Variants in FBN2 observed in about 807,000 individuals in gnomAD.
FBN2 encodes the protein fibrillin 2, also known as fibrillin-2.
FBN2 carries 105 observed loss-of-function variants against 355.6 expected under a neutral mutation model. The ratio of observed to expected loss-of-function variants is 0.30; its 90% CI spans 0.25 to 0.35. The LOEUF (loss-of-function observed/expected upper bound fraction) is 0.35, where lower values mean the gene tolerates loss of function less well. Among genes scored for constraint, FBN2 ranks in the 10% least tolerant of loss-of-function variants. The pLI is 1.00. For missense variants in FBN2, 3,280 were observed against 3,758.7 expected (o/e 0.87, Z 3.33); for synonymous variants, 1,350 against 1,301.2 (o/e 1.04, Z -0.81).
At chr5:128,400,371 T>C (rs1168521407) in intron 8 of FBN2, among the ~76,000 whole-genome samples, 4 of 151,954 alleles carry the variant, frequency 2.6e-5, no homozygotes, top group African/African-American at 9.7e-5. Context: ...AAGATCAAAC[T>C]ATATAAAATA....
chr5:128,259,832 G>T lies in FBN2; in HGVS notation c.8365-3C>A. 3 of 1,613,280 alleles carry T rather than the reference G, an allele frequency of 1.9e-6. No individual in the cohort carries two copies. Among genetic ancestry groups the T allele is most frequent in the Non-Finnish European group, 2.5e-6 (3 of 1,179,766 alleles). ...CTCTCTAGGCTGATCTGTTCAACCT[G>T]GAGGAAGAACAGGAAATGATTTGGG... On this transcript the variant is annotated splice_polypyrimidine_tract_variant and splice_region_variant and intron_variant, in intron 64 of 64. Coordinates refer to ENST00000262464, the MANE Select transcript of FBN2 (RefSeq NM_001999.4).
chr5:128,412,586 C>A (rs1252245372), intron 7 of FBN2, among the ~76,000 whole-genome samples: 1 of 152,132 alleles, frequency 6.6e-6, no homozygotes, highest in Non-Finnish European at 1.5e-5. Context: ...ACAACAACAA[C>A]AACAACAAAA....
At chr5:128,335,423 T>G (rs757484768) in intron 29 of FBN2, 32 bp downstream of exon 29, 1 of 1,614,042 alleles carries the variant, frequency 6.2e-7, no homozygotes, top group Non-Finnish European at 8.5e-7. Flanking sequence ...ATTAGTTAGA[T>G]GTACAAAACC....
At chr5:128,311,189 C>T (rs1265708089) in intron 39 of FBN2, 111 bp downstream of exon 39, 2 of 1,148,036 alleles carry the variant, frequency 1.7e-6, no homozygotes, top group Admixed American at 3.7e-5. Context: ...AGCTATGAAC[C>T]AATCTTAATT....
At chr5:128,280,783 C>T (rs1765517730) in intron 55 of FBN2, among the ~76,000 whole-genome samples, 1 of 152,110 alleles carries the variant, frequency 6.6e-6, no homozygotes, top group South Asian at 2.1e-4. Context: ...TGAGTAAAAT[C>T]ACAGGAACAA....
Position 128,259,531 on chromosome 5 carries a change from T to C in FBN2, c.8663A>G (p.Glu2888Gly). The change falls in exon 65 of 65, where the codon GAG becomes GGG. Residue 2888 changes from glutamate to glycine, a missense_variant. This residue lies in a region of FBN2 where 311 missense variants were observed against 319.1 expected (regional missense o/e 0.97). Coordinates refer to ENST00000262464, the MANE Select transcript of FBN2 (RefSeq NM_001999.4). ...YKKKELKKLE[E>G]SNEDDYLLGE... ...TAGGAGGTAGTCATCCTCATTGCTC[T>C]CTTCCAGTTTCTTAAGCTCCTTCTT... is the stretch of plus-strand genomic sequence containing the variant. The C allele has an allele frequency of 6.2e-7, 1 of 1,614,088 alleles. No individual in the cohort carries two copies. Among genetic ancestry groups the C allele is most frequent in the East Asian group, 2.2e-5 (1 of 44,854 alleles).
chr5:128,442,422 T>G (rs1188899250), intron 7 of FBN2: 1 of 453,448 alleles, frequency 2.2e-6, no homozygotes, highest in Non-Finnish European at 4.4e-6. Flanking sequence ...AACGCTGAGC[T>G]GTCTTTTAGT....
chr5:128,341,089 G>A (rs1437622239), intron 25 of FBN2, among the ~76,000 whole-genome samples: 1 of 152,198 alleles, frequency 6.6e-6, no homozygotes, highest in Non-Finnish European at 1.5e-5. Flanking sequence ...CCCAGCATGG[G>A]AGGAGACCGG....
rs79574561 is a variant in FBN2, at chr5:128,260,894, C to T, written c.8364+842G>A. 1.0e-2 allele frequency among the ~76,000 whole-genome samples: 1,515 copies of T among 152,140 alleles called. 19 individuals carry two copies. The highest frequency in any genetic ancestry group is 0.035 in the African/African-American group (1,433 of 41,478). On this transcript the variant is annotated intron_variant, in intron 64 of 64. Transcript: ENST00000262464. ...ATTAACTGCAGAGAGTGGTGAGTGA[C>T]GACCTCATACTGTCTCAGATCTTTG...
chr5:128,301,471 C>T lies in FBN2; in HGVS notation c.5957G>A (p.Arg1986Lys), dbSNP rs746504048. 1 of 1,613,564 alleles carries T rather than the reference C, an allele frequency of 6.2e-7. No homozygotes were observed. The highest frequency in any genetic ancestry group is 1.1e-5 in the South Asian group (1 of 91,074). Residue 1986 changes from arginine to lysine, a missense_variant, in exon 47 of 65, where the codon AGA becomes AAA. By Grantham distance (26) the Arg-to-Lys change is conservative. Transcript: ENST00000262464. ...ECSSFFGQVC[R>K]NGRCFNEIGS... Reference sequence around the variant, plus strand: ...AATTTCATTAAAACAACGTCCATTTCTGCACACCTGACCAAAAAAGGAACT... The same window carrying T: ...AATTTCATTAAAACAACGTCCATTTTTGCACACCTGACCAAAAAAGGAACT...
chr5:128,434,408 A>ATATAT (rs1463589277), intron 7 of FBN2, among the ~76,000 whole-genome samples: 1 of 63,218 alleles, frequency 1.6e-5, no homozygotes, highest in East Asian at 2.9e-4. Context: ...ATATATATAT[A>ATATAT]TATATATATA....
At chr5:128,387,159 C>A (rs142608015) in intron 11 of FBN2, among the ~76,000 whole-genome samples, 3 of 152,158 alleles carry the variant, frequency 2.0e-5, no homozygotes, top group East Asian at 1.9e-4. Context: ...TTCTTCCTGG[C>A]TCAATCTTGG....
rs531343015 is a variant in FBN2, at chr5:128,442,089, A to T, written c.952+4392T>A. ...GGAGACTGTGCCAACAACTTTTATG[A>T]GTTTCATGAGCCTAAATAAATATAT... On this transcript the variant is annotated intron_variant, in intron 7 of 64. Coordinates refer to ENST00000262464, the MANE Select transcript of FBN2 (RefSeq NM_001999.4). 9.6e-6 allele frequency: 3 copies of T among 313,068 alleles called. No homozygotes were observed. The Admixed American group carries it at 1.4e-4, about 14-fold the overall frequency. 19.4% of individuals were successfully genotyped at this position (313,068 alleles called of 1,614,324 possible).
At chr5:128,384,243 T>C (rs778165275) in intron 11 of FBN2, among the ~76,000 whole-genome samples, 1 of 152,000 alleles carries the variant, frequency 6.6e-6, no homozygotes, top group Non-Finnish European at 1.5e-5. Flanking sequence ...TGCAAAGTAA[T>C]GTACAGTGAC....
chr5:128,461,654 T>C (rs1406483643), intron 6 of FBN2, among the ~76,000 whole-genome samples: 3 of 152,184 alleles, frequency 2.0e-5, no homozygotes, highest in African/African-American at 4.8e-5. Flanking sequence ...ATATACACCA[T>C]GGAATACTAT....
At chr5:128,311,461 C>T (rs375267372) in intron 38 of FBN2, 36 bp from the exon 39 acceptor site, 16 of 1,609,704 alleles carry the variant, frequency 9.9e-6, no homozygotes, top group African/African-American at 2.7e-5. Context: ...AAAACAAACA[C>T]CTTCACTAAG....
intron 7 of FBN2, among the ~76,000 whole-genome samples, chr5:128,412,571 A>AAACAAC (rs527973993): frequency 5.9e-5 from 9 of 152,178 alleles, no homozygotes; most frequent in South Asian, 4.1e-4. Flanking sequence ...TCCAACTAAT[A>AAACAAC]AACAACAACA....
At chr5:128,302,929 TG>T in intron 46 of FBN2, 43 bp downstream of exon 46, 1 of 1,077,788 alleles carries the variant, frequency 9.3e-7, no homozygotes, top group South Asian at 1.3e-5. Context: ...GCACATTGTG[TG>T]GAAATGAAAT....
intron 7 of FBN2, chr5:128,442,518 G>C: frequency 3.1e-6 from 1 of 324,176 alleles, no homozygotes; most frequent in South Asian, 2.5e-5. Context: ...TGTTTGAACA[G>C]AGGAAGTTAA....
Sources: allele counts gnomAD v4.1 joint callset (sites outside exome capture counted in the v4.1 genomes callset), GRCh38; gene constraint gnomAD v4.1.1; regional missense constraint gnomAD v4.1.1; transcripts MANE v1.5; gene names NCBI Gene and HGNC (gene_info 2026-07-23, HGNC 2026-07-21).